RBFOX1: variants seen among roughly 807,000 people sequenced by gnomAD.
The protein encoded by RBFOX1 is RNA binding fox-1 homolog 1, also known as RNA binding protein fox-1 homolog 1.
Under a neutral mutation model 57.7 loss-of-function variants are expected in RBFOX1, and 8 were observed. The ratio of observed to expected loss-of-function variants is 0.14; its 90% confidence interval spans 0.08 to 0.25. The LOEUF is 0.25. Ranked by LOEUF, RBFOX1 falls within the 10% of genes least tolerant of loss-of-function variation. The pLI, the probability that RBFOX1 is intolerant of heterozygous loss-of-function variation, is 1.00. For synonymous variants in RBFOX1, 326 were observed against 222.4 expected (o/e 1.47, Z -4.15); for missense variants, 611 against 548.5 (o/e 1.11, Z -1.14).
intron 2 of RBFOX1, among the ~76,000 whole-genome samples, chr16:6,422,113 G>C (rs2093791069): frequency 6.6e-6 from 1 of 151,720 alleles, no homozygotes; most frequent in Non-Finnish European, 1.5e-5. Flanking sequence ...AGTAGAGATG[G>C]AGTTTTCCCA....
At chr16:6,549,773 T>C (rs948694239) in intron 2 of RBFOX1, among the ~76,000 whole-genome samples, 4 of 151,904 alleles carry the variant, frequency 2.6e-5, no homozygotes, top group African/African-American at 9.7e-5. Context: ...CTAAATGAAA[T>C]AGGCAGATGT....
chr16:6,532,872 C>A (rs1441199779), intron 2 of RBFOX1, among the ~76,000 whole-genome samples: 1 of 152,204 alleles, frequency 6.6e-6, no homozygotes, highest in Non-Finnish European at 1.5e-5. Flanking sequence ...ATTGAAGACC[C>A]TTCTCTGGCC....
intron 1 of RBFOX1, among the ~76,000 whole-genome samples, chr16:5,391,779 C>T (rs2066414806): frequency 6.6e-6 from 1 of 151,520 alleles, no homozygotes; most frequent in Non-Finnish European, 1.5e-5. Context: ...AGGACACATG[C>T]CCATCAATTA....
intron 1 of RBFOX1, among the ~76,000 whole-genome samples, chr16:6,158,351 A>C (rs1597888845): frequency 6.6e-6 from 1 of 152,330 alleles, no homozygotes; most frequent in African/African-American, 2.4e-5. Flanking sequence ...CTGTGTCAGA[A>C]GTTCAGTGGG....
intron 1 of RBFOX1, among the ~76,000 whole-genome samples, chr16:5,388,280 C>T (rs1440251821): frequency 1.3e-5 from 2 of 152,128 alleles, no homozygotes; most frequent in African/African-American, 4.8e-5. Context: ...ATAGCACATC[C>T]CTTGGTTGGG....
At chr16:6,984,673 C>G (rs755034020) in intron 3 of RBFOX1, among the ~76,000 whole-genome samples, 22 of 152,170 alleles carry the variant, frequency 1.4e-4, no homozygotes, top group Middle Eastern at 6.8e-3. Context: ...GAGATGGAGT[C>G]TCTGTTGACC....
At chr16:7,520,366 T>G (rs1342241710) in intron 5 of RBFOX1, among the ~76,000 whole-genome samples, 2 of 152,104 alleles carry the variant, frequency 1.3e-5, no homozygotes. Flanking sequence ...CATTATCTAG[T>G]TTGAGAATGT....
chr16:6,184,889 G>A (rs1277248273), intron 1 of RBFOX1, among the ~76,000 whole-genome samples: 1 of 152,116 alleles, frequency 6.6e-6, no homozygotes, highest in African/African-American at 2.4e-5. Flanking sequence ...TTAAGCTTGA[G>A]CATTCAGAAA....
intron 2 of RBFOX1, among the ~76,000 whole-genome samples, chr16:6,396,280 A>G (rs531704919): frequency 5.9e-5 from 9 of 152,136 alleles, no homozygotes; most frequent in Non-Finnish European, 1.2e-4. Context: ...CTGTAACTTG[A>G]TAAAATGAGA....
At position 6,779,286 on chromosome 16, in the gene RBFOX1, G is replaced by C. The variant is rs74947952; in HGVS notation, c.-16+124636G>C. On this transcript the variant is annotated intron_variant, in intron 3 of 15. Coordinates refer to ENST00000550418, the MANE Select transcript of RBFOX1 (RefSeq NM_018723.4). ...TGCAATATTTGTCTTTCTGTGCCTGGCTTATTTTAGTTGGCATCATGTCCT... is the reference window on the plus strand; with the variant it reads ...TGCAATATTTGTCTTTCTGTGCCTGCCTTATTTTAGTTGGCATCATGTCCT... Among the ~76,000 whole-genome samples, 651 of 151,980 alleles carry C rather than the reference G, an allele frequency of 4.3e-3. 33 individuals carry two copies. The East Asian group carries it at 0.11, about 26-fold the overall frequency.
chr16:6,584,015 A>G (rs568561910), intron 2 of RBFOX1, among the ~76,000 whole-genome samples: 1 of 149,952 alleles, frequency 6.7e-6, no homozygotes, highest in African/African-American at 2.5e-5. Context: ...AAAAAAAAAG[A>G]AACTCAAAAT....
At chr16:7,147,416 A>G (rs2075246338) in intron 4 of RBFOX1, among the ~76,000 whole-genome samples, 2 of 151,666 alleles carry the variant, frequency 1.3e-5, no homozygotes, top group South Asian at 4.2e-4. Flanking sequence ...TGATCCTGTC[A>G]CCCAGGTGGT....
intron 3 of RBFOX1, among the ~76,000 whole-genome samples, chr16:5,833,681 G>A (rs1279215757): frequency 6.6e-6 from 1 of 152,084 alleles, no homozygotes; most frequent in Admixed American, 6.5e-5. Flanking sequence ...AAGAATGGAC[G>A]TGTGCATTGG....
intron 1 of RBFOX1, among the ~76,000 whole-genome samples, chr16:6,141,621 A>G (rs2096716578): frequency 6.6e-6 from 1 of 152,024 alleles, no homozygotes; most frequent in South Asian, 2.1e-4. Context: ...TCACTCCCAA[A>G]TATTTTCCTT....
intron 3 of RBFOX1, among the ~76,000 whole-genome samples, chr16:6,750,584 C>G (rs556633880): frequency 2.0e-5 from 3 of 152,266 alleles, no homozygotes; most frequent in East Asian, 1.9e-4. Context: ...TAAAGGCATG[C>G]CTTGTTCATC....
rs540989860 is a variant in RBFOX1 at position 6,699,321 on chromosome 16, G to C, written c.-16+44671G>C. Among the ~76,000 whole-genome samples, 6 of 145,540 alleles carry C rather than the reference G, an allele frequency of 4.1e-5. No homozygotes were observed. In the South Asian group the frequency reaches 1.3e-3, roughly 32 times the overall value. On this transcript the variant is annotated intron_variant, in intron 3 of 15. Transcript: ENST00000550418. ...TTACTTTTTTTTTTTTTTTTAAAGTGACTTTCAGGATCAGTGACTAAAATA... is the reference window on the plus strand; with the variant it reads ...TTACTTTTTTTTTTTTTTTTAAAGTCACTTTCAGGATCAGTGACTAAAATA...
At chr16:6,274,267 A>G (rs1479249992) in intron 1 of RBFOX1, among the ~76,000 whole-genome samples, 1 of 152,198 alleles carries the variant, frequency 6.6e-6, no homozygotes, top group Non-Finnish European at 1.5e-5. Context: ...TAGCAGCTTT[A>G]TTCATAATAG....
intron 10 of RBFOX1, among the ~76,000 whole-genome samples, chr16:7,611,496 T>A (rs191930188): frequency 3.9e-5 from 6 of 152,012 alleles, no homozygotes; most frequent in South Asian, 2.1e-4. Flanking sequence ...GAAGAATCAC[T>A]TGAACCTGGG....
chr16:7,381,516 T>TC (rs1568524829), intron 4 of RBFOX1, among the ~76,000 whole-genome samples: 1 of 147,344 alleles, frequency 6.8e-6, no homozygotes, highest in African/African-American at 2.7e-5. Context: ...CTTTTTTTTT[T>TC]ATTTTATTAA....
Sources: allele counts gnomAD v4.1 joint callset (sites outside exome capture counted in the v4.1 genomes callset), GRCh38; gene constraint gnomAD v4.1.1; transcripts MANE v1.5; gene names NCBI Gene and HGNC (gene_info 2026-07-23, HGNC 2026-07-21).